Variants in SORCS1 observed in about 807,000 individuals in gnomAD.
The protein encoded by SORCS1 is VPS10 domain-containing receptor SorCS1.
In SORCS1, 60 loss-of-function variants were observed where a neutral mutation model predicts 146.1. The observed-to-expected ratio is 0.41, with a 90% CI of 0.33 to 0.51. The LOEUF (loss-of-function observed/expected upper bound fraction) is 0.51, where lower values mean the gene tolerates loss of function less well. Among genes scored for constraint, SORCS1 ranks in the 20% least tolerant of loss-of-function variants. The probability of loss-of-function intolerance (pLI) is 0.21; values close to 1 mark genes in which losing one functional copy is unlikely to be tolerated. For synonymous variants in SORCS1, 637 were observed against 584.0 expected, an observed-to-expected ratio of 1.09 and a Z score of -1.31; for missense variants, 1,352 against 1,487.6, an observed-to-expected ratio of 0.91 and a Z score of 1.50.
chr10:107,067,259 A>C (rs535048689), intron 1 of SORCS1, among the ~76,000 whole-genome samples: 1 of 151,580 alleles, frequency 6.6e-6, no homozygotes, highest in Non-Finnish European at 1.5e-5. Context: ...TCAAATCCAA[A>C]CCTTAGGAAA....
At chr10:107,056,684 G>T (rs1224199086) in intron 1 of SORCS1, among the ~76,000 whole-genome samples, 2 of 152,190 alleles carry the variant, frequency 1.3e-5, no homozygotes, top group African/African-American at 2.4e-5. Context: ...AAAGCAAGAG[G>T]ACAAGAAATG....
rs149413338 is a variant in SORCS1 at position 107,130,967 on chromosome 10, G to A, written c.558+33002C>T. Reference sequence around the variant, plus strand: ...CACGTTCCTCCCTCCCAATCCCCCAGTAACTTCTAGTCTACTTTCTTCTGT... The same window carrying A: ...CACGTTCCTCCCTCCCAATCCCCCAATAACTTCTAGTCTACTTTCTTCTGT... On this transcript the variant is annotated intron_variant, in intron 1 of 25. Transcript: ENST00000263054. 2.2e-3 allele frequency among the ~76,000 whole-genome samples: 333 copies of A among 152,146 alleles called. 3 individuals are homozygous for A. Among genetic ancestry groups the A allele is most frequent in the African/African-American group, 7.7e-3 (318 of 41,508 alleles).
chr10:106,841,980 T>C (rs1379193076), intron 2 of SORCS1, among the ~76,000 whole-genome samples: 1 of 152,214 alleles, frequency 6.6e-6, no homozygotes, highest in East Asian at 1.9e-4. Flanking sequence ...TGAGTATATT[T>C]GTTTTGTAAG....
chr10:107,026,910 T>C (rs980563703), intron 1 of SORCS1, among the ~76,000 whole-genome samples: 69 of 151,824 alleles, frequency 4.5e-4, no homozygotes, highest in African/African-American at 1.6e-3. Flanking sequence ...AAGTCAAATA[T>C]GAGAGCATTG....
intron 3 of SORCS1, among the ~76,000 whole-genome samples, chr10:106,799,188 T>C (rs2136619781): frequency 6.6e-6 from 1 of 152,348 alleles, no homozygotes; most frequent in South Asian, 2.1e-4. Flanking sequence ...TGTAGAAAGC[T>C]GAAACTGGAT....
intron 19 of SORCS1, among the ~76,000 whole-genome samples, 194 bp downstream of exon 19, chr10:106,629,008 C>G (rs1035591368): frequency 2.0e-5 from 3 of 152,074 alleles, no homozygotes; most frequent in Non-Finnish European, 2.9e-5. Context: ...CCAGAGAGTC[C>G]AGGATTAATC....
intron 2 of SORCS1, among the ~76,000 whole-genome samples, chr10:106,947,571 CG>C (rs1179593696): frequency 2.6e-5 from 4 of 152,104 alleles, no homozygotes; most frequent in Non-Finnish European, 5.9e-5. Context: ...AGGCTGGGCG[CG>C]GTGGCTCACG....
rs544449697 is a variant in SORCS1 at position 107,026,549 on chromosome 10, C to T, written c.559-69969G>A. Among the ~76,000 whole-genome samples the T allele has an allele frequency of 4.0e-5, 6 of 150,758 alleles. No individual in the cohort carries two copies. The East Asian group carries it at 5.9e-4, about 15-fold the overall frequency. On this transcript the variant is annotated intron_variant, in intron 1 of 25. Coordinates refer to ENST00000263054, the MANE Select transcript of SORCS1 (RefSeq NM_052918.5). ...AGGAGAATGGCGTGAACCCAGGAGG[C>T]GAAGCTTGCAGTGAGCCGAGATTGC...
chr10:106,988,642 G>T (rs375231957), intron 1 of SORCS1, among the ~76,000 whole-genome samples: 1 of 151,968 alleles, frequency 6.6e-6, no homozygotes, highest in Non-Finnish European at 1.5e-5. Context: ...TTATACACTC[G>T]CAGGATGCCT....
intron 1 of SORCS1, among the ~76,000 whole-genome samples, chr10:107,097,671 C>A (rs557660595): frequency 1.4e-3 from 219 of 152,346 alleles, no homozygotes; most frequent in Non-Finnish European, 2.1e-3. Flanking sequence ...CTGTGCCCTC[C>A]CTGCTATTAT....
At chr10:106,602,795 C>G (rs1388413372) in intron 23 of SORCS1, among the ~76,000 whole-genome samples, 1 of 152,132 alleles carries the variant, frequency 6.6e-6, no homozygotes, top group Non-Finnish European at 1.5e-5. Context: ...TGTAATTTGA[C>G]TCCCCAAGTT....
At position 106,577,233 on chromosome 10, in the gene SORCS1, A is replaced by G. The variant is rs911694518; in HGVS notation, c.*187T>C. The stretch of plus-strand genomic sequence containing the variant: ...TGGCGTCCTCCATTCAAACATTTAC[A>G]TAGGTAGGGATTTCTTTTGTGCTTT... On this transcript the variant is annotated 3_prime_UTR_variant, in exon 26 of 26. Transcript: ENST00000263054. The G allele has an allele frequency of 6.3e-7, 1 of 1,590,248 alleles. No individual in the cohort carries two copies.
intron 18 of SORCS1, among the ~76,000 whole-genome samples, chr10:106,639,812 G>A (rs1278327674): frequency 6.6e-6 from 1 of 152,114 alleles, no homozygotes; most frequent in Non-Finnish European, 1.5e-5. Context: ...GAGGTCAGGA[G>A]ATCGAGACCA....
At chr10:107,073,771 A>G (rs1207973814) in intron 1 of SORCS1, among the ~76,000 whole-genome samples, 2 of 152,222 alleles carry the variant, frequency 1.3e-5, no homozygotes, top group African/African-American at 4.8e-5. Flanking sequence ...AAAACAATAA[A>G]GAAATGCTAA....
In SORCS1 at chr10:106,579,896, C is replaced by T. The variant is rs79854831; in HGVS notation, c.3266-422G>A. Among the ~76,000 whole-genome samples the T allele has an allele frequency of 7.8e-3, 1,187 of 152,040 alleles. 16 individuals are homozygous for T. Among genetic ancestry groups the T allele is most frequent in the African/African-American group, 0.027 (1,123 of 41,462 alleles). On this transcript the variant is annotated intron_variant, in intron 24 of 25. Transcript: ENST00000263054. The stretch of plus-strand genomic sequence containing the variant: ...GCCAGGCACATAGTAAGTCATGTAC[C>T]TATTAGATTTCATTTCTACTGCTGC...
chr10:106,943,137 C>G (rs1191128522), intron 2 of SORCS1, among the ~76,000 whole-genome samples: 3 of 152,196 alleles, frequency 2.0e-5, no homozygotes, highest in African/African-American at 7.2e-5. Context: ...TTCAGCTGAG[C>G]CAATGTCTTC....
At chr10:106,843,508 T>C (rs1485703981) in intron 2 of SORCS1, among the ~76,000 whole-genome samples, 1 of 140,384 alleles carries the variant, frequency 7.1e-6, no homozygotes, top group Non-Finnish European at 1.5e-5. Context: ...CTCGGCTCAC[T>C]GCAAGCTCCG....
Position 107,121,444 on chromosome 10 carries a change from C to T in SORCS1, c.558+42525G>A, listed in dbSNP as rs545436313. Reference sequence around the variant, plus strand: ...TGGGTTCTCAAGGACAAAATTCATACAATGACATCTTTGGGACCATCCCTT... The same window carrying T: ...TGGGTTCTCAAGGACAAAATTCATATAATGACATCTTTGGGACCATCCCTT... On this transcript the variant is annotated intron_variant, in intron 1 of 25. Coordinates refer to ENST00000263054, the MANE Select transcript of SORCS1 (RefSeq NM_052918.5). Among the ~76,000 whole-genome samples, 5 of 152,260 alleles carry T rather than the reference C, an allele frequency of 3.3e-5. No homozygotes were observed. The South Asian group carries it at 1.0e-3, about 32-fold the overall frequency.
chr10:106,992,515 G>A (rs1274329693), intron 1 of SORCS1, among the ~76,000 whole-genome samples: 1 of 151,910 alleles, frequency 6.6e-6, no homozygotes, highest in African/African-American at 2.4e-5. Context: ...TTTAGGAGAT[G>A]GAGTCTTGCT....
Sources: allele counts gnomAD v4.1 joint callset (sites outside exome capture counted in the v4.1 genomes callset), GRCh38; gene constraint gnomAD v4.1.1; transcripts MANE v1.5; gene names NCBI Gene and HGNC (gene_info 2026-07-23, HGNC 2026-07-21).